Variants in MYO7B observed in about 807,000 individuals in gnomAD.
The protein encoded by MYO7B is myosin VIIB.
A neutral mutation model predicts 259.7 loss-of-function variants in MYO7B; 212 were observed. The ratio of observed to expected loss-of-function variants is 0.82; its 90% CI spans 0.73 to 0.91. MYO7B has a LOEUF of 0.91. Ranked by LOEUF, MYO7B falls within the 40% of genes least tolerant of loss-of-function variation. The probability of loss-of-function intolerance (pLI) is 0.00; values close to 1 mark genes in which losing one functional copy is unlikely to be tolerated. For missense variants in MYO7B, 2,732 were observed against 2,813.5 expected, an observed-to-expected ratio of 0.97 and a Z score of 0.66; for synonymous variants, 1,197 against 1,166.4, an observed-to-expected ratio of 1.03 and a Z score of -0.54.
intron 14 of MYO7B, among the ~76,000 whole-genome samples, chr2:127,587,748 T>C (rs1679359520): frequency 6.6e-6 from 1 of 152,046 alleles, no homozygotes; most frequent in Non-Finnish European, 1.5e-5. Context: ...TTTGTATTTT[T>C]AGTAGAGACA....
rs186530145 is a variant in MYO7B, at chr2:127,625,780, C to T, written c.4215+245C>T. On this transcript the variant is annotated intron_variant, in intron 31 of 47. Transcript: ENST00000409816. ...CCAAGCTGGCATCTTGGATGGGTCC[C>T]TGTGCTGGTCTGCACTGTGGTGTCT... 2.5e-3 allele frequency among the ~76,000 whole-genome samples: 378 copies of T among 152,338 alleles called. 1 individual carries two copies. The highest frequency in any genetic ancestry group is 6.8e-3 in the Middle Eastern group (2 of 294).
chr2:127,617,855 G>GAT (rs1553455919), intron 26 of MYO7B, among the ~76,000 whole-genome samples: 1 of 139,942 alleles, frequency 7.1e-6, no homozygotes, highest in Non-Finnish European at 1.5e-5. Flanking sequence ...CTGGGCTTTA[G>GAT]TTTTTTTTTT....
intron 7 of MYO7B, among the ~76,000 whole-genome samples, chr2:127,574,281 T>C (rs763061743): frequency 6.6e-5 from 10 of 152,104 alleles, no homozygotes; most frequent in Non-Finnish European, 1.0e-4. Context: ...ACGCCTCTAA[T>C]CCCAGCACTT....
At chr2:127,632,473 A>G in intron 39 of MYO7B, 72 bp downstream of exon 39, 1 of 1,482,566 alleles carries the variant, frequency 6.7e-7, no homozygotes, top group Non-Finnish European at 9.0e-7. Flanking sequence ...GGGCCTGGCC[A>G]GCCTTCCAGG....
chr2:127,584,757 AG>A lies in MYO7B; in HGVS notation c.1555-18del, dbSNP rs1185444277. 12 of 1,612,938 alleles carry A rather than the reference AG, an allele frequency of 7.4e-6. No homozygotes were observed. The highest frequency in any genetic ancestry group is 1.0e-5 in the Non-Finnish European group (12 of 1,179,402). The stretch of plus-strand genomic sequence containing the variant: ...GCTGGACTCTGGGACCTCAGCCCAC[AG>A]GGTGTCTGGGTTCTTCCAGGGGACA... On this transcript the variant is annotated intron_variant, in intron 13 of 47. Transcript: ENST00000409816. This position sits in a 1 kb window ranked among gnomAD's most constrained non-coding sequence, Gnocchi z 5.8.
intron 19 of MYO7B, among the ~76,000 whole-genome samples, chr2:127,602,387 C>T (rs761539766): frequency 5.9e-5 from 9 of 152,202 alleles, no homozygotes; most frequent in Non-Finnish European, 8.8e-5. Flanking sequence ...GTGGCTCATA[C>T]CTGTAATCCC....
At chr2:127,632,423 C>T (rs1162618462) in intron 39 of MYO7B, 22 bp downstream of exon 39, 1 of 1,510,892 alleles carries the variant, frequency 6.6e-7, no homozygotes. Flanking sequence ...GCCTCCAGCC[C>T]CCAGCATTGG....
Position 127,546,800 on chromosome 2 carries a change from C to G in MYO7B, c.-24+10969C>G, listed in dbSNP as rs983411635. 2.0e-5 allele frequency among the ~76,000 whole-genome samples: 3 copies of G among 151,722 alleles called. No homozygotes were observed. Among genetic ancestry groups the G allele is most frequent in the Non-Finnish European group, 4.4e-5 (3 of 67,954 alleles). On this transcript the variant is annotated intron_variant, in intron 1 of 47. Coordinates refer to ENST00000409816, the MANE Select transcript of MYO7B (RefSeq NM_001393586.1). This position sits in a 1 kb window ranked among gnomAD's most constrained non-coding sequence, Gnocchi z 4.2. ...TCCATCCATCCATCCATCCATCCATCCATCAATCCATTCATCTGTTTGTTC... is the reference window on the plus strand; with the variant it reads ...TCCATCCATCCATCCATCCATCCATGCATCAATCCATTCATCTGTTTGTTC...
In MYO7B at chr2:127,566,801, C is replaced by G. The variant is rs1315498772; in HGVS notation, c.444C>G (p.Asn148Lys). The change falls in exon 5 of 48, where the codon AAC becomes AAG. Residue 148 changes from asparagine (N) to lysine (K), a missense_variant. Physicochemically the swap from Asn to Lys is moderately conservative, Grantham distance 94 (BLOSUM62 0). This residue lies in a region of MYO7B where 1,906 missense variants were observed against 2,026.4 expected (regional missense o/e 0.94). Coordinates refer to ENST00000409816, the MANE Select transcript of MYO7B (RefSeq NM_001393586.1). ...ANNCYFSMKR[N>K]KRDQCCIISG... The stretch of plus-strand genomic sequence containing the variant: ...ACTGCTACTTCAGCATGAAGAGGAA[C>G]AAGAGGGACCAGTGCTGCATCATCA... The G allele has an allele frequency of 3.1e-6, 5 of 1,611,290 alleles. No individual in the cohort carries two copies. In the Admixed American group the frequency reaches 8.3e-5, roughly 27 times the overall value.
intron 6 of MYO7B, among the ~76,000 whole-genome samples, chr2:127,570,546 C>A (rs991139208): frequency 2.6e-5 from 4 of 152,208 alleles, no homozygotes; most frequent in African/African-American, 9.7e-5. Context: ...TGGCCTCGGC[C>A]CCAAGGCTGT....
intron 1 of MYO7B, among the ~76,000 whole-genome samples, chr2:127,548,423 T>C (rs1363686986): frequency 6.6e-6 from 1 of 150,532 alleles, no homozygotes; most frequent in African/African-American, 2.4e-5. Flanking sequence ...ATTTTTCTTT[T>C]TTTTTTTTTT....
intron 6 of MYO7B, among the ~76,000 whole-genome samples, chr2:127,572,062 C>T (rs1161732572): frequency 2.0e-5 from 3 of 152,224 alleles, no homozygotes; most frequent in African/African-American, 4.8e-5. Flanking sequence ...GGTTGATGAT[C>T]CAGTTTATGA....
chr2:127,566,782 A>G lies in MYO7B; in HGVS notation c.425A>G (p.Tyr142Cys). Residue 142 changes from tyrosine (Y) to cysteine (C), a missense_variant, in exon 5 of 48, where the codon TAC (tyrosine) becomes TGC (cysteine). Physicochemically the swap from Tyr to Cys is radical, Grantham distance 194. Coordinates refer to ENST00000409816, the MANE Select transcript of MYO7B (RefSeq NM_001393586.1). ...PHVFAIANNC[Y>C]FSMKRNKRDQ... is the part of the protein sequence containing the mutation. ...GTCTTTGCCATCGCCAACAACTGCT[A>G]CTTCAGCATGAAGAGGAACAAGAGG... The G allele has an allele frequency of 6.2e-7, 1 of 1,612,434 alleles. No homozygotes were observed. The highest frequency in any genetic ancestry group is 2.2e-5 in the East Asian group (1 of 44,888).
In MYO7B at chr2:127,601,004, A is replaced by G. The variant is rs1281585120; in HGVS notation, c.2339+4448A>G. 3.7e-4 allele frequency among the ~76,000 whole-genome samples: 57 copies of G among 152,252 alleles called. 1 individual carries two copies. The highest frequency in any genetic ancestry group is 3.6e-3 in the Admixed American group (55 of 15,284). Reference sequence around the variant, plus strand: ...TGTGTTTCACAAATGTTCACATGTTATGCTTTCATTTAGTTCATTCAATTT... The same window carrying G: ...TGTGTTTCACAAATGTTCACATGTTGTGCTTTCATTTAGTTCATTCAATTT... On this transcript the variant is annotated intron_variant, in intron 19 of 47. Transcript: ENST00000409816.
rs767721605 is a variant in MYO7B, at chr2:127,627,444, G to T, written c.4460+134G>T. The T allele has an allele frequency of 3.3e-6, 4 of 1,218,552 alleles. No homozygotes were observed. Among genetic ancestry groups the T allele is most frequent in the Non-Finnish European group, 4.6e-6 (4 of 860,976 alleles). The allele number at this position is 1,218,552 out of a possible 1,614,324, so 75.5% of individuals were successfully genotyped here. On this transcript the variant is annotated intron_variant, in intron 33 of 47. Transcript: ENST00000409816. The surrounding 1 kb of genome is among the most constrained non-coding windows in gnomAD (Gnocchi z 5.6). ...CCGGGGTGGAGGGACAAGAATCTAC[G>T]TATGCGATGGCTTCTGTACTTCGGA...
intron 1 of MYO7B, among the ~76,000 whole-genome samples, chr2:127,549,413 C>T (rs766387883): frequency 1.3e-5 from 2 of 152,088 alleles, no homozygotes; most frequent in East Asian, 3.8e-4. Context: ...GATCCCGTCA[C>T]CCAGGTAGTG....
In MYO7B at chr2:127,628,092, T is replaced by G. The variant is rs1266905617; in HGVS notation, c.4461-280T>G. ...CTCATCTCAGCTCTGACCTTTGCAG[T>G]GTCCCTGCGGTGTCACTGCACACCA... On this transcript the variant is annotated intron_variant, in intron 33 of 47. Transcript: ENST00000409816. The surrounding 1 kb of genome is among the most constrained non-coding windows in gnomAD (Gnocchi z 4.8). The G allele has an allele frequency of 1.6e-6, 1 of 612,558 alleles. No individual in the cohort carries two copies. Among genetic ancestry groups the G allele is most frequent in the Non-Finnish European group, 3.1e-6 (1 of 327,608 alleles). 37.9% of individuals were successfully genotyped at this position (612,558 alleles called of 1,614,324 possible).
At position 127,636,533 on chromosome 2, in the gene MYO7B, C is replaced by T. The variant is rs754440777; in HGVS notation, c.6124-12C>T. ...CGGGCTGGACTATGACCGCCGTGTC[C>T]CTCCCTCCCAGCAAACCTCGGAGCC... On this transcript the variant is annotated splice_polypyrimidine_tract_variant and intron_variant, in intron 45 of 47. Coordinates refer to ENST00000409816, the MANE Select transcript of MYO7B (RefSeq NM_001393586.1). This position sits in a 1 kb window ranked among gnomAD's most constrained non-coding sequence, Gnocchi z 4.5. 15 of 1,606,692 alleles carry T rather than the reference C, an allele frequency of 9.3e-6. No homozygotes were observed. The African/African-American group carries it at 1.7e-4, about 19-fold the overall frequency.
At position 127,627,628 on chromosome 2, in the gene MYO7B, G is replaced by T. The variant is rs1323041565; in HGVS notation, c.4460+318G>T. On this transcript the variant is annotated intron_variant, in intron 33 of 47. Coordinates refer to ENST00000409816, the MANE Select transcript of MYO7B (RefSeq NM_001393586.1). This position sits in a 1 kb window ranked among gnomAD's most constrained non-coding sequence, Gnocchi z 5.6. ...ACTTATTTAGAAGGCTCCTTTCTTT[G>T]TCATGGACGAGAACTGGTGGCCTGG... 1 of 488,782 alleles carries T rather than the reference G, an allele frequency of 2.0e-6. No individual in the cohort carries two copies. Among genetic ancestry groups the T allele is most frequent in the Admixed American group, 2.3e-5 (1 of 43,418 alleles). 30.3% of individuals were successfully genotyped at this position (488,782 alleles called of 1,614,324 possible).
Sources: gnomAD v4.1 joint callset for allele counts (sites outside exome capture counted in the v4.1 genomes callset) on GRCh38, gnomAD v4.1.1 for gene constraint, gnomAD v4.1.1 regional missense constraint, Gnocchi (gnomAD v3.1) non-coding constraint, MANE v1.5 for transcripts, NCBI Gene and HGNC (gene_info 2026-07-23, HGNC 2026-07-21) for gene names.